POLR2M: variants seen among roughly 807,000 people sequenced by gnomAD.
The protein encoded by POLR2M is protein GRINL1A.
POLR2M carries 30 observed loss-of-function variants against 34.6 expected under a neutral mutation model. That is an observed-to-expected ratio of 0.87 (90% CI 0.65 to 1.18). POLR2M has a LOEUF of 1.18. POLR2M is among the 50% of genes most tolerant of loss of function. The pLI, the probability that POLR2M is intolerant of heterozygous loss-of-function variation, is 0.00. For missense variants in POLR2M, 432 were observed against 448.7 expected (o/e 0.96, Z 0.34); for synonymous variants, 150 against 166.7 (o/e 0.90, Z 0.77).
rs1280638646 is a variant in POLR2M at position 57,706,787 on chromosome 15, G to T, written c.-56G>T. 6.5e-7 allele frequency: 1 copy of T among 1,533,130 alleles called. No individual in the cohort carries two copies. The highest frequency in any genetic ancestry group is 1.2e-5 in the South Asian group (1 of 82,918). The allele number at this position is 1,533,130 out of a possible 1,614,324, so 95.0% of individuals were successfully genotyped here. A position where few individuals can be genotyped will look rare whatever the true frequency, so the allele number is the denominator to read the frequency against. On this transcript the variant is annotated 5_prime_UTR_variant, in exon 1 of 4. Transcript: ENST00000299638. ...CGTCCGCGGATCCGGCGCTAGTAGC[G>T]GGGCCTGCCGAGGAAGCCGAGTGCC...
Position 57,714,607 on chromosome 15 carries a change from A to G in POLR2M, c.1035A>G (p.Pro345=), listed in dbSNP as rs2040870750. ...ATATTAAAATGCGGAGTTATAATCC[A>G]GAAGGGGAGTCTTCAGGGAGATACC... ...RLNIKMRSYN[P]EGESSGRYRE... The change falls in exon 4 of 4, where the codon CCA becomes CCG. Residue 345 remains proline (P), a synonymous_variant. Transcript: ENST00000299638. 1.2e-6 allele frequency: 2 copies of G among 1,613,302 alleles called. No homozygotes were observed. The highest frequency in any genetic ancestry group is 2.2e-5 in the South Asian group (2 of 91,046).
At chr15:57,708,373 C>G (rs1324690645) in intron 1 of POLR2M, among the ~76,000 whole-genome samples, 1 of 152,190 alleles carries the variant, frequency 6.6e-6, no homozygotes. Context: ...TCCCCACACT[C>G]CACCCCATCC....
In POLR2M at chr15:57,714,720, T is replaced by G. The variant is rs763163791; in HGVS notation, c.*41T>G. ...TCACTGACGTTGAGATGTCATCATC[T>G]TACATCAGACTTTCTAACTAGTATC... On this transcript the variant is annotated 3_prime_UTR_variant, in exon 4 of 4. Transcript: ENST00000299638. The G allele has an allele frequency of 3.1e-6, 5 of 1,595,832 alleles. No homozygotes were observed. In the South Asian group the frequency reaches 3.4e-5, roughly 11 times the overall value.
intron 3 of POLR2M, among the ~76,000 whole-genome samples, chr15:57,713,197 C>CAAA (rs10656680): frequency 0.7 from 101,196 of 145,586 alleles, 37,033 homozygotes; most frequent in Non-Finnish European, 0.82. Flanking sequence ...GACCCTGTCT[C>CAAA]AAAAAAAAAA....
At chr15:57,711,768 A>G (rs1437713805) in intron 2 of POLR2M, among the ~76,000 whole-genome samples, 1 of 151,076 alleles carries the variant, frequency 6.6e-6, no homozygotes, top group African/African-American at 2.4e-5. Flanking sequence ...AAAACTCCAG[A>G]TGAAATACAA....
In POLR2M at chr15:57,715,863, C is replaced by T. The variant is rs1213467962; in HGVS notation, c.*1184C>T. 3 of 152,208 alleles carry T rather than the reference C, an allele frequency of 2.0e-5. No homozygotes were observed. Among genetic ancestry groups the T allele is most frequent in the African/African-American group, 4.8e-5 (2 of 41,464 alleles). The allele number at this position is 152,208 out of a possible 1,614,324, so 9.4% of individuals were successfully genotyped here. On this transcript the variant is annotated 3_prime_UTR_variant, in exon 4 of 4. Transcript: ENST00000299638. ...TTAATTAAATACAACTTTTTCCTTT[C>T]GAAAAAGACTGTTCACATTTGCTTC...
Position 57,712,191 on chromosome 15 carries a change from A to T in POLR2M, c.963+3A>T, listed in dbSNP as rs368854104. 1.9e-6 allele frequency: 3 copies of T among 1,613,672 alleles called. No homozygotes were observed. The highest frequency in any genetic ancestry group is 2.5e-6 in the Non-Finnish European group (3 of 1,179,926). Reference sequence around the variant, plus strand: ...AACAGCAGAAACAGAATTATGAGGTATTTAGAGTATTTTTTTTCTTGTCTG... The same window carrying T: ...AACAGCAGAAACAGAATTATGAGGTTTTTAGAGTATTTTTTTTCTTGTCTG... On this transcript the variant is annotated splice_donor_region_variant and intron_variant, in intron 3 of 3. Transcript: ENST00000299638.
chr15:57,708,667 G>A (rs1275580607), intron 1 of POLR2M, 47 bp from the exon 2 acceptor site: 3 of 1,481,414 alleles, frequency 2.0e-6, no homozygotes, highest in African/African-American at 2.8e-5. Flanking sequence ...TATATCTCAA[G>A]TTAAAAAAAT....
rs1466796532 is a variant in POLR2M at position 57,715,873 on chromosome 15, T to C, written c.*1194T>C. 6.6e-6 allele frequency: 1 copy of C among 152,204 alleles called. No homozygotes were observed. The highest frequency in any genetic ancestry group is 1.5e-5 in the Non-Finnish European group (1 of 68,050). The allele number at this position is 152,204 out of a possible 1,614,324, so 9.4% of individuals were successfully genotyped here. A position where few individuals can be genotyped will look rare whatever the true frequency, so the allele number is the denominator to read the frequency against. On this transcript the variant is annotated 3_prime_UTR_variant, in exon 4 of 4. Transcript: ENST00000299638. ...ACAACTTTTTCCTTTCGAAAAAGACTGTTCACATTTGCTTCCAGGTGTAAT... is the reference window on the plus strand; with the variant it reads ...ACAACTTTTTCCTTTCGAAAAAGACCGTTCACATTTGCTTCCAGGTGTAAT...
chr15:57,711,896 C>G lies in POLR2M; in HGVS notation c.759-88C>G, dbSNP rs1436959618. On this transcript the variant is annotated intron_variant, in intron 2 of 3. Transcript: ENST00000299638. Reference sequence around the variant, plus strand: ...GTTACCTTTGGAGGAGAATTAATTGCTAAGGTAAAGGCCATTTGTGTGAAT... The same window carrying G: ...GTTACCTTTGGAGGAGAATTAATTGGTAAGGTAAAGGCCATTTGTGTGAAT... The G allele has an allele frequency of 2.1e-6, 3 of 1,462,076 alleles. No individual in the cohort carries two copies. The African/African-American group carries it at 4.2e-5, about 20-fold the overall frequency. The allele number at this position is 1,462,076 out of a possible 1,614,324, so 90.6% of individuals were successfully genotyped here. A position where few individuals can be genotyped will look rare whatever the true frequency, so the allele number is the denominator to read the frequency against.
At position 57,716,622 on chromosome 15, in the gene POLR2M, G is replaced by A. The variant is rs1196564105; in HGVS notation, c.*1943G>A. On this transcript the variant is annotated 3_prime_UTR_variant, in exon 4 of 4. Transcript: ENST00000299638. ...GTTTTTCTTACTTAGTGAAGGTTGT[G>A]TTTTTTTTCATATTCATTGGCCATG... The A allele has an allele frequency of 2.0e-5, 3 of 152,252 alleles. No individual in the cohort carries two copies. The highest frequency in any genetic ancestry group is 1.9e-4 in the East Asian group (1 of 5,192). The allele number at this position is 152,252 out of a possible 1,614,324, so 9.4% of individuals were successfully genotyped here. A position where few individuals can be genotyped will look rare whatever the true frequency, so the allele number is the denominator to read the frequency against.
In POLR2M at chr15:57,709,033, G is replaced by C. The variant is rs768571910; in HGVS notation, c.433G>C (p.Glu145Gln). 10 of 1,613,946 alleles carry C rather than the reference G, an allele frequency of 6.2e-6. No homozygotes were observed. Among genetic ancestry groups the C allele is most frequent in the Middle Eastern group, 3.3e-4 (2 of 6,084 alleles). ...PTLEGDEETS[E>Q]VEYTVNKGPA... is the part of the protein sequence containing the mutation. Reference sequence around the variant, plus strand: ...TCTTGAAGGTGATGAAGAGACTTCAGAGGTTGAGTACACAGTGAATAAGGG... The same window carrying C: ...TCTTGAAGGTGATGAAGAGACTTCACAGGTTGAGTACACAGTGAATAAGGG... The change falls in exon 2 of 4, where the codon GAG (glutamate) becomes CAG (glutamine). Residue 145 changes from glutamate (E) to glutamine (Q), a missense_variant. Coordinates refer to ENST00000299638, the MANE Select transcript of POLR2M (RefSeq NM_015532.5).
At position 57,712,314 on chromosome 15, in the gene POLR2M, A is replaced by G. The variant is rs181309614; in HGVS notation, c.963+126A>G. ...TAGGTGCTTCCATGAGCTCAGATCT[A>G]TGCCACTAGTTTTCAGAGAGTCACA... On this transcript the variant is annotated intron_variant, in intron 3 of 3. Coordinates refer to ENST00000299638, the MANE Select transcript of POLR2M (RefSeq NM_015532.5). 1.5e-4 allele frequency: 166 copies of G among 1,118,970 alleles called. 1 individual carries two copies. The African/African-American group carries it at 1.7e-3, about 11-fold the overall frequency. The allele number at this position is 1,118,970 out of a possible 1,614,324, so 69.3% of individuals were successfully genotyped here. A position where few individuals can be genotyped will look rare whatever the true frequency, so the allele number is the denominator to read the frequency against.
rs191581515 is a variant in POLR2M at position 57,712,061 on chromosome 15, G to T, written c.836G>T (p.Arg279Leu). 24 of 1,613,878 alleles carry T rather than the reference G, an allele frequency of 1.5e-5. No individual in the cohort carries two copies. The highest frequency in any genetic ancestry group is 1.7e-4 in the Middle Eastern group (1 of 6,058). Residue 279 changes from arginine (R) to leucine (L), a missense_variant, in exon 3 of 4, where the codon CGC becomes CTC. Physicochemically the swap from Arg to Leu is moderately radical, Grantham distance 102 (BLOSUM62 -2). Transcript: ENST00000299638. ...CCTATTTCCTCAGAAGAGCGGCGGCGCAGGGATAAGCAGCATCTTGATGAC... is the reference window on the plus strand; with the variant it reads ...CCTATTTCCTCAGAAGAGCGGCGGCTCAGGGATAAGCAGCATCTTGATGAC... ...GSPISSEERR[R>L]RDKQHLDDIT...
At chr15:57,707,130 C>T in intron 1 of POLR2M, 175 bp downstream of exon 1, 3 of 1,538,720 alleles carry the variant, frequency 1.9e-6, no homozygotes, top group East Asian at 2.5e-5. Flanking sequence ...AGCCGTGCCT[C>T]TTCCTGGCCA....
intron 2 of POLR2M, among the ~76,000 whole-genome samples, chr15:57,711,397 G>T (rs1205216311): frequency 6.6e-6 from 1 of 152,202 alleles, no homozygotes; most frequent in African/African-American, 2.4e-5. Context: ...CTTCATTGCA[G>T]TCTGGGCCTA....
chr15:57,713,295 A>G (rs1268050327), intron 3 of POLR2M, among the ~76,000 whole-genome samples: 1 of 152,128 alleles, frequency 6.6e-6, no homozygotes, highest in Admixed American at 6.5e-5. Flanking sequence ...TTTGAAAAAA[A>G]CCATTTTTCT....
chr15:57,707,602 T>C, intron 1 of POLR2M: 1 of 449,302 alleles, frequency 2.2e-6, no homozygotes, highest in East Asian at 7.0e-5. Context: ...TGGGAGAACT[T>C]TTAAGCATGG....
rs200961398 is a variant in POLR2M, at chr15:57,708,892, A to G, written c.292A>G (p.Lys98Glu). 17 of 1,613,958 alleles carry G rather than the reference A, an allele frequency of 1.1e-5. No homozygotes were observed. Among genetic ancestry groups the G allele is most frequent in the Non-Finnish European group, 1.4e-5 (17 of 1,179,944 alleles). Reference sequence around the variant, plus strand: ...TGCAGAAGTTGATGTGGGTACAGATAAGGCCCAGAATTCTGACCCGATACT... The same window carrying G: ...TGCAGAAGTTGATGTGGGTACAGATGAGGCCCAGAATTCTGACCCGATACT... The part of the protein sequence containing the change: ...AIAEVDVGTD[K>E]AQNSDPILDT... Residue 98 changes from lysine (K) to glutamate (E), a missense_variant, in exon 2 of 4, where the codon AAG (lysine) becomes GAG (glutamate). Lys to Glu is a moderately conservative substitution (Grantham distance 56). Coordinates refer to ENST00000299638, the MANE Select transcript of POLR2M (RefSeq NM_015532.5).
Sources: allele counts gnomAD v4.1 joint callset (sites outside exome capture counted in the v4.1 genomes callset), GRCh38; gene constraint gnomAD v4.1.1; transcripts MANE v1.5; gene names NCBI Gene and HGNC (gene_info 2026-07-23, HGNC 2026-07-21).